Variants in SPICE1 observed in about 807,000 individuals in gnomAD.
SPICE1 encodes the protein spindle and centriole-associated protein 1.
Under a neutral mutation model 102.7 loss-of-function variants are expected in SPICE1, and 75 were observed. That is an observed-to-expected ratio of 0.73 (90% CI 0.61 to 0.88). The LOEUF (loss-of-function observed/expected upper bound fraction) is 0.88, where lower values mean the gene tolerates loss of function less well. SPICE1 is among the 40% of genes least tolerant of loss of function. The pLI, the probability that SPICE1 is intolerant of heterozygous loss-of-function variation, is 0.00. For synonymous variants in SPICE1, 308 were observed against 350.3 expected, an observed-to-expected ratio of 0.88 and a Z score of 1.35; for missense variants, 979 against 1,020.1, an observed-to-expected ratio of 0.96 and a Z score of 0.55.
intron 4 of SPICE1, among the ~76,000 whole-genome samples, chr3:113,498,605 G>C (rs1936946681): frequency 6.6e-6 from 1 of 152,176 alleles, no homozygotes; most frequent in Admixed American, 6.5e-5. Context: ...ATTTATTTGG[G>C]AGATATTATT....
rs1935418389 is a variant in SPICE1 at position 113,442,939 on chromosome 3, C to A, written c.*2368G>T. The A allele has an allele frequency of 6.6e-6, 1 of 152,158 alleles. No homozygotes were observed. Among genetic ancestry groups the A allele is most frequent in the South Asian group, 2.1e-4 (1 of 4,830 alleles). The allele number at this position is 152,158 out of a possible 1,614,324, so 9.4% of individuals were successfully genotyped here. ...TAGCATGTTATTTATATTTTCAAATCATATGCCCAGCATGTTTTCTTTCAA... is the reference window on the plus strand; with the variant it reads ...TAGCATGTTATTTATATTTTCAAATAATATGCCCAGCATGTTTTCTTTCAA... On this transcript the variant is annotated 3_prime_UTR_variant, in exon 18 of 18. Coordinates refer to ENST00000295872, the MANE Select transcript of SPICE1 (RefSeq NM_144718.4).
intron 4 of SPICE1, among the ~76,000 whole-genome samples, chr3:113,494,564 G>A (rs1457408481): frequency 1.3e-5 from 2 of 151,278 alleles, no homozygotes; most frequent in Admixed American, 1.3e-4. Flanking sequence ...GGAGAATGGC[G>A]TGAACCCGGG....
At chr3:113,493,392 G>T in intron 5 of SPICE1, 80 bp from the exon 6 acceptor site, 1 of 1,079,476 alleles carries the variant, frequency 9.3e-7, no homozygotes, top group Non-Finnish European at 1.4e-6. Flanking sequence ...CCATTGGTTT[G>T]CATCATCATA....
At chr3:113,456,161 T>C (rs1435586267) in intron 13 of SPICE1, among the ~76,000 whole-genome samples, 1 of 152,180 alleles carries the variant, frequency 6.6e-6, no homozygotes, top group Non-Finnish European at 1.5e-5. Flanking sequence ...CAAAACAGAA[T>C]TTTTAATAGC....
chr3:113,460,461 T>C (rs898800580), intron 12 of SPICE1, 156 bp downstream of exon 12: 2 of 985,112 alleles, frequency 2.0e-6, no homozygotes, highest in Middle Eastern at 5.2e-4. Flanking sequence ...GCATCCAATA[T>C]TAGCTGGAAA....
intron 2 of SPICE1, among the ~76,000 whole-genome samples, chr3:113,505,666 G>A (rs1274059790): frequency 3.9e-5 from 6 of 152,300 alleles, no homozygotes; most frequent in East Asian, 1.9e-4. Flanking sequence ...TTTGGGAAGC[G>A]AAGGCACGAG....
chr3:113,475,080 A>C (rs1576633480), intron 7 of SPICE1, among the ~76,000 whole-genome samples: 1 of 152,338 alleles, frequency 6.6e-6, no homozygotes, highest in East Asian at 1.9e-4. Flanking sequence ...AAATAGATGC[A>C]ATAAAAAATG....
chr3:113,482,115 G>A (rs551873698), intron 7 of SPICE1, among the ~76,000 whole-genome samples: 25 of 152,300 alleles, frequency 1.6e-4, no homozygotes, highest in South Asian at 4.1e-4. Context: ...TCTAACTGGC[G>A]TGAGATGGTA....
intron 5 of SPICE1, among the ~76,000 whole-genome samples, chr3:113,493,600 G>A (rs895324130): frequency 2.6e-5 from 4 of 152,176 alleles, no homozygotes; most frequent in African/African-American, 9.6e-5. Flanking sequence ...TTGCCAAGCC[G>A]GAATTCAAAC....
At chr3:113,458,896 C>A (rs1935854098) in intron 12 of SPICE1, among the ~76,000 whole-genome samples, 1 of 152,158 alleles carries the variant, frequency 6.6e-6, no homozygotes, top group African/African-American at 2.4e-5. Flanking sequence ...CTCTGCCCGG[C>A]CGCCACCCCG....
At chr3:113,460,341 C>T (rs1481321607) in intron 12 of SPICE1, 1 of 909,400 alleles carries the variant, frequency 1.1e-6, no homozygotes, top group East Asian at 1.2e-4. Flanking sequence ...AGCCTGTTTC[C>T]TCTAAGGATA....
chr3:113,505,420 T>C (rs1386471613), intron 2 of SPICE1, among the ~76,000 whole-genome samples: 2 of 152,158 alleles, frequency 1.3e-5, no homozygotes, highest in East Asian at 3.9e-4. Context: ...CACAGAGAAG[T>C]CCCGCTGCCC....
At chr3:113,487,879 A>C (rs1471548147) in intron 7 of SPICE1, among the ~76,000 whole-genome samples, 2 of 152,188 alleles carry the variant, frequency 1.3e-5, no homozygotes, top group African/African-American at 4.8e-5. Flanking sequence ...ATGCATAAGT[A>C]AGCTGAGTCT....
intron 3 of SPICE1, 113 bp downstream of exon 3, chr3:113,503,067 A>T: frequency 3.6e-6 from 4 of 1,106,388 alleles, no homozygotes; most frequent in Non-Finnish European, 5.3e-6. Context: ...AAACAAGATT[A>T]AACATAACTG....
Position 113,453,633 on chromosome 3 carries a change from T to C in SPICE1, c.1975A>G (p.Asn659Asp), listed in dbSNP as rs1227540740. The C allele has an allele frequency of 6.2e-7, 1 of 1,614,054 alleles. No homozygotes were observed. The highest frequency in any genetic ancestry group is 1.3e-5 in the African/African-American group (1 of 74,908). The change falls in exon 14 of 18, where the codon AAT (asparagine) becomes GAT (aspartate). Residue 659 changes from asparagine (N) to aspartate (D), a missense_variant. Physicochemically the swap from Asn to Asp is conservative, Grantham distance 23 (BLOSUM62 1). Coordinates refer to ENST00000295872, the MANE Select transcript of SPICE1 (RefSeq NM_144718.4). ...VLGDGQQLRT[N>D]ESLIQRKDIM... The stretch of plus-strand genomic sequence containing the variant: ...TCCTTTCTTTGTATTAATGACTCAT[T>C]TGTTCTCAGCTGCTGCCCATCTCCC...
chr3:113,507,135 C>T (rs1258623099), intron 1 of SPICE1, among the ~76,000 whole-genome samples: 2 of 152,130 alleles, frequency 1.3e-5, no homozygotes, highest in African/African-American at 4.8e-5. Context: ...ATATATCTGT[C>T]ACATAATGCT....
In SPICE1 at chr3:113,453,803, T is replaced by G. The variant is rs1935715903; in HGVS notation, c.1805A>C (p.Gln602Pro). The G allele has an allele frequency of 6.2e-7, 1 of 1,614,086 alleles. No individual in the cohort carries two copies. Among genetic ancestry groups the G allele is most frequent in the Admixed American group, 1.7e-5 (1 of 60,014 alleles). The change falls in exon 14 of 18, where the codon CAG becomes CCG. Residue 602 changes from glutamine (Q) to proline (P), a missense_variant. Physicochemically the swap from Gln to Pro is moderately conservative, Grantham distance 76. Transcript: ENST00000295872. Reference protein sequence around the residue: ...NSSEENRLFTQRWRVSHMGED... With the variant: ...NSSEENRLFTPRWRVSHMGED... ...TCCCATGTGAGAGACTCTCCATCTCTGAGTGAAGAGACGATTCTCTTCACT... is the reference window on the plus strand; with the variant it reads ...TCCCATGTGAGAGACTCTCCATCTCGGAGTGAAGAGACGATTCTCTTCACT...
intron 6 of SPICE1, 40 bp from the exon 7 acceptor site, chr3:113,489,103 T>C: frequency 1.5e-6 from 2 of 1,290,808 alleles, no homozygotes; most frequent in Non-Finnish European, 1.1e-6. Flanking sequence ...AAGTTGATTA[T>C]ATATATACTC....
chr3:113,506,582 G>C lies in SPICE1; in HGVS notation c.24C>G (p.Arg8=). MSFVRVN[R]CGPRVGVRKT... ...TTCTTACACCAACTCGGGGACCACA[G>C]CGGTTCACTCTGACAAATGACATCT... The change falls in exon 2 of 18, where the codon CGC becomes CGG. Residue 8 remains arginine (R), a synonymous_variant. Coordinates refer to ENST00000295872, the MANE Select transcript of SPICE1 (RefSeq NM_144718.4). 1.2e-6 allele frequency: 2 copies of C among 1,613,084 alleles called. No individual in the cohort carries two copies. The highest frequency in any genetic ancestry group is 2.2e-5 in the South Asian group (2 of 91,028).
Sources: gnomAD v4.1 joint callset for allele counts (sites outside exome capture counted in the v4.1 genomes callset) on GRCh38, gnomAD v4.1.1 for gene constraint, MANE v1.5 for transcripts, NCBI Gene and HGNC (gene_info 2026-07-23, HGNC 2026-07-21) for gene names.